HIVEP1: variants seen among roughly 807,000 people sequenced by gnomAD.
HIVEP1 encodes the protein zinc finger protein 40.
A neutral mutation model predicts 180.0 loss-of-function variants in HIVEP1; 36 were observed. The ratio of observed to expected loss-of-function variants is 0.20; its 90% CI spans 0.15 to 0.26. HIVEP1 has a LOEUF of 0.26. Ranked by LOEUF, HIVEP1 falls within the 10% of genes least tolerant of loss-of-function variation. The pLI, the probability that HIVEP1 is intolerant of heterozygous loss-of-function variation, is 1.00. For synonymous variants in HIVEP1, 1,239 were observed against 1,239.0 expected (o/e 1.00, Z 0.00); for missense variants, 3,143 against 3,268.7 (o/e 0.96, Z 0.94).
intron 2 of HIVEP1, among the ~76,000 whole-genome samples, chr6:12,087,757 C>G (rs540598851): frequency 2.6e-5 from 4 of 152,154 alleles, no homozygotes; most frequent in Non-Finnish European, 5.9e-5. Context: ...TTTTCCAGGA[C>G]TATTTCAACT....
chr6:12,028,887 G>C (rs1768754127), intron 2 of HIVEP1, among the ~76,000 whole-genome samples: 1 of 152,160 alleles, frequency 6.6e-6, no homozygotes, highest in Non-Finnish European at 1.5e-5. Flanking sequence ...TCAGCTGCAG[G>C]CAATTGCTGG....
At chr6:12,131,573 G>T (rs1758417620) in intron 6 of HIVEP1, among the ~76,000 whole-genome samples, 1 of 151,132 alleles carries the variant, frequency 6.6e-6, no homozygotes. Flanking sequence ...TTATTTATAA[G>T]CCTCACTCAT....
intron 3 of HIVEP1, among the ~76,000 whole-genome samples, chr6:12,100,400 A>G (rs1774048090): frequency 6.6e-6 from 1 of 152,158 alleles, no homozygotes; most frequent in South Asian, 2.1e-4. Context: ...GAATTCCTGA[A>G]TATTTGTTTA....
At chr6:12,159,329 C>T (rs1443333105) in intron 7 of HIVEP1, among the ~76,000 whole-genome samples, 1 of 151,950 alleles carries the variant, frequency 6.6e-6, no homozygotes, top group Non-Finnish European at 1.5e-5. Context: ...GTAACTTATT[C>T]TCCCAGTCAT....
At position 12,156,579 on chromosome 6, in the gene HIVEP1, G is replaced by A. The variant is rs774415095; in HGVS notation, c.6488-4860G>A. Among the ~76,000 whole-genome samples, 8 of 152,084 alleles carry A rather than the reference G, an allele frequency of 5.3e-5. No homozygotes were observed. The South Asian group carries it at 6.2e-4, about 12-fold the overall frequency. ...ATTTCTGAGTTCTCTATTTTGTTCCGTTGATCTATGTGTCTGTTCTTGTAC... is the reference window on the plus strand; with the variant it reads ...ATTTCTGAGTTCTCTATTTTGTTCCATTGATCTATGTGTCTGTTCTTGTAC... On this transcript the variant is annotated intron_variant, in intron 7 of 8. Transcript: ENST00000379388.
At chr6:12,081,981 C>T (rs9380764) in intron 2 of HIVEP1, among the ~76,000 whole-genome samples, 7,674 of 152,236 alleles carry the variant, frequency 0.05, 206 homozygotes, top group South Asian at 0.1. Context: ...CCTTTTGCAT[C>T]CTCTACTGAT....
chr6:12,162,051 T>C, intron 8 of HIVEP1, 122 bp downstream of exon 8: 1 of 875,242 alleles, frequency 1.1e-6, no homozygotes, highest in South Asian at 1.8e-5. Flanking sequence ...TCAGTTTGTA[T>C]AGCTTTATTT....
At chr6:12,011,681 G>C (rs1474998162), upstream of HIVEP1, among the ~76,000 whole-genome samples, 1 of 148,310 alleles carries the variant, frequency 6.7e-6, no homozygotes, top group East Asian at 2.0e-4. Context: ...TGGCGGGGCC[G>C]GCGCGGTCTG....
intron 2 of HIVEP1, among the ~76,000 whole-genome samples, chr6:12,066,166 G>T (rs1356604477): frequency 6.6e-6 from 1 of 152,154 alleles, no homozygotes; most frequent in African/African-American, 2.4e-5. Context: ...TCTTACGCTG[G>T]ATGGGAACAG....
At chr6:12,156,029 G>A (rs1450838677) in intron 7 of HIVEP1, among the ~76,000 whole-genome samples, 1 of 152,100 alleles carries the variant, frequency 6.6e-6, no homozygotes, top group East Asian at 1.9e-4. Flanking sequence ...TCTTCATGTT[G>A]TTGGCTGCAT....
downstream of HIVEP1, among the ~76,000 whole-genome samples, chr6:12,168,123 CATATAT>C (rs1365104971): frequency 1.2e-4 from 9 of 76,692 alleles, no homozygotes; most frequent in South Asian, 3.9e-4. Flanking sequence ...ATTATATATA[CATATAT>C]ACGTGTATAT....
intron 2 of HIVEP1, among the ~76,000 whole-genome samples, chr6:12,049,478 C>A (rs1438200834): frequency 6.6e-6 from 1 of 152,158 alleles, no homozygotes; most frequent in Admixed American, 6.5e-5. Context: ...GAGGAGGTGA[C>A]CATCATGCCA....
chr6:12,201,781 T>C, the HIVEP1 span, among the ~76,000 whole-genome samples: 1 of 152,262 alleles, frequency 6.6e-6, no homozygotes, highest in Non-Finnish European at 1.5e-5. Flanking sequence ...AAATAACTCT[T>C]ATGTATATCC....
rs546560321 is a variant in HIVEP1, at chr6:12,119,026, A to T, written c.95-864A>T. Among the ~76,000 whole-genome samples, 29 of 152,342 alleles carry T rather than the reference A, an allele frequency of 1.9e-4. No individual in the cohort carries two copies. The South Asian group carries it at 2.3e-3, about 12-fold the overall frequency. On this transcript the variant is annotated intron_variant, in intron 3 of 8. Coordinates refer to ENST00000379388, the MANE Select transcript of HIVEP1 (RefSeq NM_002114.4). ...AGACTGTTGTGTAGACAGAGTCCTC[A>T]GGTATTGCTACCAAGCCAATCTAGG...
chr6:12,068,873 A>G (rs1255855720), intron 2 of HIVEP1, among the ~76,000 whole-genome samples: 3 of 141,996 alleles, frequency 2.1e-5, no homozygotes, highest in Non-Finnish European at 4.7e-5. Flanking sequence ...AGAAGCATAT[A>G]CAATAAAAAA....
In HIVEP1 at chr6:12,163,416, C is replaced by A. The variant is rs1223928198; in HGVS notation, c.7112C>A (p.Pro2371Gln). The change falls in exon 9 of 9, where the codon CCA becomes CAA. Residue 2371 changes from proline (P) to glutamine (Q), a missense_variant. Transcript: ENST00000379388. ...CAGCAAATAACTCTACAGCCGACTC[C>A]AGGCTTGCCTTCTCCCCACACTCAT... Reference protein sequence around the residue: ...QKQQITLQPTPGLPSPHTHLF... With the variant: ...QKQQITLQPTQGLPSPHTHLF... 6.2e-7 allele frequency: 1 copy of A among 1,614,078 alleles called. No homozygotes were observed. The highest frequency in any genetic ancestry group is 1.3e-5 in the African/African-American group (1 of 74,926).
rs778186028 is a variant in HIVEP1, at chr6:12,125,742, A to G, written c.5947A>G (p.Lys1983Glu). The G allele has an allele frequency of 3.1e-6, 5 of 1,614,086 alleles. No homozygotes were observed. The highest frequency in any genetic ancestry group is 2.7e-5 in the African/African-American group (2 of 74,940). ...SNPNPLGLPT[K>E]VALALLNSKQ... ...TCCAAATCCACTCGGTTTGCCCACAAAAGTTGCACTTGCTCTCCTTAATTC... is the reference window on the plus strand; with the variant it reads ...TCCAAATCCACTCGGTTTGCCCACAGAAGTTGCACTTGCTCTCCTTAATTC... The change falls in exon 4 of 9, where the codon AAA (lysine) becomes GAA (glutamate). Residue 1983 changes from lysine to glutamate, a missense_variant. Lys to Glu is a moderately conservative substitution (Grantham distance 56). Coordinates refer to ENST00000379388, the MANE Select transcript of HIVEP1 (RefSeq NM_002114.4).
chr6:12,159,234 G>C (rs1221091617), intron 7 of HIVEP1, among the ~76,000 whole-genome samples: 3 of 152,078 alleles, frequency 2.0e-5, no homozygotes, highest in Admixed American at 6.5e-5. Flanking sequence ...GTGCACGCTT[G>C]TGTGTGTGTT....
At chr6:12,040,564 C>T (rs187900416) in intron 2 of HIVEP1, among the ~76,000 whole-genome samples, 1 of 152,140 alleles carries the variant, frequency 6.6e-6, no homozygotes, top group East Asian at 1.9e-4. Flanking sequence ...TTAATTGTTT[C>T]ACACACTCTT....
Sources: gnomAD v4.1 joint callset for allele counts (sites outside exome capture counted in the v4.1 genomes callset) on GRCh38, gnomAD v4.1.1 for gene constraint, MANE v1.5 for transcripts, NCBI Gene and HGNC (gene_info 2026-07-23, HGNC 2026-07-21) for gene names.